Variants in WWP1 observed in about 807,000 individuals in gnomAD.
The protein encoded by WWP1 is NEDD4-like E3 ubiquitin-protein ligase WWP1.
In WWP1, 49 loss-of-function variants were observed where a neutral mutation model predicts 130.6. That is an observed-to-expected ratio of 0.38 (90% confidence interval 0.30 to 0.48). The LOEUF (loss-of-function observed/expected upper bound fraction) is 0.48, where lower values mean the gene tolerates loss of function less well. Ranked by LOEUF, WWP1 falls within the 20% of genes least tolerant of loss-of-function variation. The pLI is 0.99. For missense variants in WWP1, 809 were observed against 1,100.6 expected (o/e 0.74, Z 3.75); for synonymous variants, 332 against 367.8 (o/e 0.90, Z 1.11).
chr8:86,437,587 C>G (rs904379189), intron 16 of WWP1, among the ~76,000 whole-genome samples: 6 of 152,106 alleles, frequency 3.9e-5, no homozygotes, highest in African/African-American at 1.4e-4. Flanking sequence ...CCATTTAATA[C>G]TAGAAGGAGG....
intron 9 of WWP1, among the ~76,000 whole-genome samples, chr8:86,414,470 AAG>A (rs1165988159): frequency 1.3e-5 from 2 of 152,184 alleles, no homozygotes; most frequent in Non-Finnish European, 2.9e-5. Flanking sequence ...AGAATAGAAA[AAG>A]AGTGGAACCA....
rs116000752 is a variant in WWP1 at position 86,465,577 on chromosome 8, G to A, written c.2670-1217G>A. On this transcript the variant is annotated intron_variant, in intron 24 of 24. Coordinates refer to ENST00000517970, the MANE Select transcript of WWP1 (RefSeq NM_007013.4). ...CAGCCTGGGAGGTCGAGGTCGCAGT[G>A]AGCCGAGACAGTAGCCTAGGCGACA... 9.8e-3 allele frequency among the ~76,000 whole-genome samples: 1,497 copies of A among 152,252 alleles called. 27 individuals are homozygous for A. The highest frequency in any genetic ancestry group is 0.034 in the African/African-American group (1,428 of 41,540).
At chr8:86,349,419 A>G (rs189433553) in intron 1 of WWP1, among the ~76,000 whole-genome samples, 25 of 152,362 alleles carry the variant, frequency 1.6e-4, no homozygotes, top group Middle Eastern at 3.4e-3. Flanking sequence ...CCCAGGTTCA[A>G]GGGTACAAAT....
At chr8:86,454,157 T>C (rs535046112) in intron 21 of WWP1, among the ~76,000 whole-genome samples, 3 of 152,176 alleles carry the variant, frequency 2.0e-5, no homozygotes, top group Non-Finnish European at 2.9e-5. Flanking sequence ...ACAATTACAG[T>C]ATATAATAGG....
At chr8:86,361,968 G>T (rs1292330213) in intron 1 of WWP1, among the ~76,000 whole-genome samples, 1 of 119,300 alleles carries the variant, frequency 8.4e-6, no homozygotes, top group Non-Finnish European at 1.9e-5. Context: ...TGCCTAGTGT[G>T]TGTGTGTATA....
chr8:86,363,794 C>CAAA (rs375454489), intron 1 of WWP1, among the ~76,000 whole-genome samples: 10 of 57,554 alleles, frequency 1.7e-4, no homozygotes, highest in Admixed American at 3.7e-4. Flanking sequence ...GACTCCATCT[C>CAAA]AAAAAAAAAA....
chr8:86,431,893 C>T, intron 14 of WWP1, 150 bp downstream of exon 14: 2 of 983,896 alleles, frequency 2.0e-6, no homozygotes, highest in Non-Finnish European at 1.5e-6. Context: ...TGTCTTTGCT[C>T]TCATTTGACA....
chr8:86,441,928 T>C (rs1810613352), intron 17 of WWP1, among the ~76,000 whole-genome samples: 2 of 152,210 alleles, frequency 1.3e-5, no homozygotes, highest in Non-Finnish European at 2.9e-5. Flanking sequence ...AATACCTTTA[T>C]CTAGTTGGAT....
chr8:86,410,867 C>A (rs570493648), intron 8 of WWP1, among the ~76,000 whole-genome samples: 3 of 152,136 alleles, frequency 2.0e-5, no homozygotes, highest in Admixed American at 2.0e-4. Context: ...TCTCCCTCTG[C>A]CATTTCCATT....
chr8:86,425,914 C>T lies in WWP1; in HGVS notation c.1157+596C>T, dbSNP rs1435554133. On this transcript the variant is annotated intron_variant, in intron 10 of 24. Transcript: ENST00000517970. ...CTACATAACTGCACTGATAGCTAGT[C>T]GAATTGTACTGTTTGCATTCATTTA... is the stretch of plus-strand genomic sequence containing the variant. Among the ~76,000 whole-genome samples the T allele has an allele frequency of 2.6e-5, 4 of 152,216 alleles. No individual in the cohort carries two copies. In the South Asian group the frequency reaches 6.2e-4, roughly 24 times the overall value.
At chr8:86,405,902 T>G (rs1808253106) in intron 8 of WWP1, among the ~76,000 whole-genome samples, 2 of 152,300 alleles carry the variant, frequency 1.3e-5, no homozygotes, top group South Asian at 4.1e-4. Flanking sequence ...GGTTTCAGAT[T>G]AGGAATTGTG....
chr8:86,427,803 C>G lies in WWP1; in HGVS notation c.1318C>G (p.Arg440Gly). Residue 440 changes from arginine to glycine, a missense_variant, in exon 11 of 25, where the codon CGA (arginine) becomes GGA (glycine). Physicochemically the swap from Arg to Gly is moderately radical, Grantham distance 125 (BLOSUM62 -2). This residue lies in a region of WWP1 where 450 missense variants were observed against 674.2 expected (regional missense o/e 0.67). Transcript: ENST00000517970. ...GGGAGCTATGCAACAGTTTAACCAA[C>G]GATACCTCTATTCGGTAATTAGCAA... ...LQGAMQQFNQ[R>G]YLYSASMLAA... is the part of the protein sequence containing the mutation. 1.2e-6 allele frequency: 2 copies of G among 1,611,324 alleles called. No homozygotes were observed. Among genetic ancestry groups the G allele is most frequent in the Non-Finnish European group, 1.7e-6 (2 of 1,178,576 alleles).
chr8:86,397,884 CCCT>C (rs1238304387), intron 5 of WWP1, among the ~76,000 whole-genome samples: 1 of 152,152 alleles, frequency 6.6e-6, no homozygotes, highest in Non-Finnish European at 1.5e-5. Context: ...TCAACACTGT[CCCT>C]TTAGTTTGAA....
rs36226595 is a variant in WWP1, at chr8:86,430,798, C to CAT, written c.1387+80_1387+81dup. 8.1e-3 allele frequency: 1,625 copies of CAT among 200,690 alleles called. 11 individuals are homozygous for CAT. The highest frequency in any genetic ancestry group is 0.016 in the Admixed American group (145 of 9,184). The allele number at this position is 200,690 out of a possible 1,614,324, so 12.4% of individuals were successfully genotyped here. A position where few individuals can be genotyped will look rare whatever the true frequency, so the allele number is the denominator to read the frequency against. The stretch of plus-strand genomic sequence containing the variant: ...TCTATAAGGGAGATATATATCTCTC[C>CAT]ATATATATATATATATATATATATA... On this transcript the variant is annotated intron_variant, in intron 12 of 24. Coordinates refer to ENST00000517970, the MANE Select transcript of WWP1 (RefSeq NM_007013.4).
At chr8:86,457,605 A>G (rs1811528439) in intron 21 of WWP1, among the ~76,000 whole-genome samples, 2 of 151,882 alleles carry the variant, frequency 1.3e-5, no homozygotes, top group African/African-American at 4.8e-5. Context: ...GTGTGTGTAA[A>G]TACACACACA....
chr8:86,395,354 T>C, intron 5 of WWP1, among the ~76,000 whole-genome samples: 1 of 152,206 alleles, frequency 6.6e-6, no homozygotes, highest in East Asian at 1.9e-4. Flanking sequence ...AGCATGACTG[T>C]GTTCAAATAA....
At chr8:86,456,625 T>C (rs543944548) in intron 21 of WWP1, among the ~76,000 whole-genome samples, 62 of 152,078 alleles carry the variant, frequency 4.1e-4, no homozygotes, top group Non-Finnish European at 7.4e-4. Context: ...AAATGAAATA[T>C]ATATCCACAC....
intron 5 of WWP1, among the ~76,000 whole-genome samples, chr8:86,384,905 T>C (rs557885664): frequency 6.6e-6 from 1 of 152,144 alleles, no homozygotes; most frequent in East Asian, 1.9e-4. Flanking sequence ...GTGCCTGTAG[T>C]CCCAACTACT....
intron 5 of WWP1, chr8:86,386,707 A>G (rs1462801460): frequency 6.6e-6 from 1 of 152,184 alleles, no homozygotes; most frequent in Non-Finnish European, 1.5e-5. Flanking sequence ...TAACTGAAGA[A>G]ACTTTGAGTA....
Sources: gnomAD v4.1 joint callset for allele counts (sites outside exome capture counted in the v4.1 genomes callset) on GRCh38, gnomAD v4.1.1 for gene constraint, gnomAD v4.1.1 regional missense constraint, MANE v1.5 for transcripts, NCBI Gene and HGNC (gene_info 2026-07-23, HGNC 2026-07-21) for gene names.